INPP5A: variants seen among roughly 807,000 people sequenced by gnomAD.
INPP5A encodes inositol polyphosphate-5-phosphatase A.
Under a neutral mutation model 65.2 loss-of-function variants are expected in INPP5A, and 14 were observed. The ratio of observed to expected loss-of-function variants is 0.21; its 90% CI spans 0.14 to 0.34. The LOEUF is 0.34. Among genes scored for constraint, INPP5A ranks in the 10% least tolerant of loss-of-function variants. INPP5A has a pLI of 1.00. For synonymous variants in INPP5A, 207 were observed against 208.3 expected (o/e 0.99, Z 0.05); for missense variants, 431 against 545.6 (o/e 0.79, Z 2.09).
chr10:132,708,627 G>A (rs1845580712), intron 7 of INPP5A: 3 of 572,506 alleles, frequency 5.2e-6, no homozygotes, highest in Admixed American at 2.3e-5. Flanking sequence ...CCTCCCCGCA[G>A]CTGGAGAGTT....
rs2072210481 is a variant in INPP5A, at chr10:132,627,913, G to C, written c.118-17955G>C. On this transcript the variant is annotated intron_variant, in intron 2 of 15. Coordinates refer to ENST00000368594, the MANE Select transcript of INPP5A (RefSeq NM_005539.5). The surrounding 1 kb of genome is among the most constrained non-coding windows in gnomAD (Gnocchi z 6.6). ...CCAGGCTGGAGTGGCGGCGTCGGGTGTGGAGAGAAACTGGAGATAAGGGAC... is the reference window on the plus strand; with the variant it reads ...CCAGGCTGGAGTGGCGGCGTCGGGTCTGGAGAGAAACTGGAGATAAGGGAC... Among the ~76,000 whole-genome samples the C allele has an allele frequency of 6.6e-6, 1 of 152,146 alleles. No individual in the cohort carries two copies. Among genetic ancestry groups the C allele is most frequent in the Non-Finnish European group, 1.5e-5 (1 of 68,024 alleles).
chr10:132,603,048 T>C lies in INPP5A; in HGVS notation c.76-4867T>C, dbSNP rs778780492. Among the ~76,000 whole-genome samples the C allele has an allele frequency of 2.6e-5, 4 of 152,222 alleles. No homozygotes were observed. Among genetic ancestry groups the C allele is most frequent in the Non-Finnish European group, 5.9e-5 (4 of 68,036 alleles). On this transcript the variant is annotated intron_variant, in intron 1 of 15. Transcript: ENST00000368594. This position sits in a 1 kb window ranked among gnomAD's most constrained non-coding sequence, Gnocchi z 4.2. ...AAAGAAAGGATCTAATATAGCATTT[T>C]AAAAGTAAATATTTAACTAGTCCTA...
intron 2 of INPP5A, among the ~76,000 whole-genome samples, chr10:132,618,498 A>G (rs947690406): frequency 1.3e-5 from 2 of 152,246 alleles, no homozygotes; most frequent in African/African-American, 4.8e-5. Context: ...TGCTCATTTT[A>G]AAGTCTTTCA....
At chr10:132,732,991 G>A (rs1168004142) in intron 9 of INPP5A, among the ~76,000 whole-genome samples, 1 of 152,168 alleles carries the variant, frequency 6.6e-6, no homozygotes, top group African/African-American at 2.4e-5. Context: ...CCTGGAACCT[G>A]GACATCCAAA....
intron 1 of INPP5A, among the ~76,000 whole-genome samples, chr10:132,588,329 T>G (rs1260726115): frequency 1.3e-5 from 2 of 152,240 alleles, no homozygotes; most frequent in East Asian, 3.8e-4. Context: ...TCGAGACAGC[T>G]CTCTGTCCTA....
chr10:132,769,628 C>T (rs1026894377), intron 12 of INPP5A, among the ~76,000 whole-genome samples: 11 of 152,228 alleles, frequency 7.2e-5, no homozygotes, highest in Non-Finnish European at 1.5e-4. Context: ...GGAAACCAGG[C>T]GGCTATGAGT....
chr10:132,663,926 C>T lies in INPP5A; in HGVS notation c.306+13421C>T, dbSNP rs777165981. Among the ~76,000 whole-genome samples the T allele has an allele frequency of 3.3e-4, 50 of 152,362 alleles. No individual in the cohort carries two copies. The highest frequency in any genetic ancestry group is 9.8e-4 in the Admixed American group (15 of 15,302). On this transcript the variant is annotated intron_variant, in intron 4 of 15. Coordinates refer to ENST00000368594, the MANE Select transcript of INPP5A (RefSeq NM_005539.5). The surrounding 1 kb of genome is among the most constrained non-coding windows in gnomAD (Gnocchi z 4.5). Reference sequence around the variant, plus strand: ...CAAGGTGCCTCGTGGGCAGCCGATCCATCAGGCGGCCGACAGGCGTGATCG... The same window carrying T: ...CAAGGTGCCTCGTGGGCAGCCGATCTATCAGGCGGCCGACAGGCGTGATCG...
intron 1 of INPP5A, among the ~76,000 whole-genome samples, chr10:132,548,792 C>CTTT (rs71013535): frequency 1.7e-3 from 138 of 79,292 alleles, no homozygotes; most frequent in Middle Eastern, 0.011. Flanking sequence ...GTTTATCTGG[C>CTTT]TTTTTTTTTT....
chr10:132,539,590 G>A (rs1047561593), intron 1 of INPP5A, among the ~76,000 whole-genome samples: 4 of 152,184 alleles, frequency 2.6e-5, no homozygotes, highest in Admixed American at 6.5e-5. Flanking sequence ...CAGCCACGGT[G>A]CCACCCTGCT....
At chr10:132,540,019 C>T (rs2070889214) in intron 1 of INPP5A, among the ~76,000 whole-genome samples, 1 of 152,154 alleles carries the variant, frequency 6.6e-6, no homozygotes, top group Non-Finnish European at 1.5e-5. Context: ...TACAAAAGTG[C>T]CTGGCATGGG....
chr10:132,620,701 C>T (rs1357314954), intron 2 of INPP5A, among the ~76,000 whole-genome samples: 2 of 152,034 alleles, frequency 1.3e-5, no homozygotes. Flanking sequence ...CTCAATAGTC[C>T]TATATCTATT....
intron 1 of INPP5A, among the ~76,000 whole-genome samples, chr10:132,592,433 T>G (rs2071630344): frequency 6.6e-6 from 1 of 150,846 alleles, no homozygotes; most frequent in Admixed American, 6.6e-5. Context: ...TTTGTTTGTT[T>G]GAAATGGAGT....
intron 9 of INPP5A, among the ~76,000 whole-genome samples, chr10:132,734,113 G>A (rs761134300): frequency 1.1e-4 from 16 of 152,204 alleles, no homozygotes; most frequent in Admixed American, 2.6e-4. Context: ...CTCGGTCCAC[G>A]CCACCCGCAG....
intron 4 of INPP5A, among the ~76,000 whole-genome samples, chr10:132,661,921 A>G (rs1416996850): frequency 6.6e-6 from 1 of 152,204 alleles, no homozygotes; most frequent in African/African-American, 2.4e-5. Context: ...CAGTGAGTGA[A>G]TGATCTTTTC....
At position 132,676,331 on chromosome 10, in the gene INPP5A, G is replaced by T. The variant is rs2072964118; in HGVS notation, c.307-14061G>T. 1.3e-5 allele frequency among the ~76,000 whole-genome samples: 2 copies of T among 152,164 alleles called. No homozygotes were observed. The highest frequency in any genetic ancestry group is 6.5e-5 in the Admixed American group (1 of 15,276). ...TTCATGAGACCTGCGGAAAGGCTCTGGGGCGTCACGTCTCCCTGTGGCCGA... is the reference window on the plus strand; with the variant it reads ...TTCATGAGACCTGCGGAAAGGCTCTTGGGCGTCACGTCTCCCTGTGGCCGA... On this transcript the variant is annotated intron_variant, in intron 4 of 15. Coordinates refer to ENST00000368594, the MANE Select transcript of INPP5A (RefSeq NM_005539.5). The surrounding 1 kb of genome is among the most constrained non-coding windows in gnomAD (Gnocchi z 4.0).
Position 132,667,027 on chromosome 10 carries a change from G to C in INPP5A, c.306+16522G>C, listed in dbSNP as rs112122292. On this transcript the variant is annotated intron_variant, in intron 4 of 15. Transcript: ENST00000368594. Reference sequence around the variant, plus strand: ...TGGGACAAAAAAATGGCAGGGTCCTGCTGGATGCCGCTTTCCAAGCTGGGG... The same window carrying C: ...TGGGACAAAAAAATGGCAGGGTCCTCCTGGATGCCGCTTTCCAAGCTGGGG... Among the ~76,000 whole-genome samples the C allele has an allele frequency of 7.3e-4, 111 of 152,348 alleles. 1 individual carries two copies. The highest frequency in any genetic ancestry group is 2.4e-3 in the African/African-American group (99 of 41,582).
At chr10:132,680,698 C>T (rs1447223168) in intron 4 of INPP5A, among the ~76,000 whole-genome samples, 1 of 152,262 alleles carries the variant, frequency 6.6e-6, no homozygotes, top group African/African-American at 2.4e-5. Context: ...GCGCGTGGCG[C>T]TTGCGGGCCA....
intron 12 of INPP5A, among the ~76,000 whole-genome samples, chr10:132,772,726 G>A (rs1846978623): frequency 3.5e-5 from 1 of 28,342 alleles, no homozygotes; most frequent in Admixed American, 2.5e-4. Flanking sequence ...GGCCACGGCA[G>A]CCGCCCCACG....
intron 1 of INPP5A, among the ~76,000 whole-genome samples, chr10:132,606,907 T>G (rs1325783072): frequency 6.6e-6 from 1 of 152,226 alleles, no homozygotes; most frequent in East Asian, 1.9e-4. Flanking sequence ...TAGTGCTAAG[T>G]ACATTCACGT....
Sources: allele counts gnomAD v4.1 joint callset (sites outside exome capture counted in the v4.1 genomes callset), GRCh38; gene constraint gnomAD v4.1.1; non-coding constraint Gnocchi (gnomAD v3.1); transcripts MANE v1.5; gene names NCBI Gene and HGNC (gene_info 2026-07-23, HGNC 2026-07-21).